Variants in NFATC3 observed in about 807,000 individuals in gnomAD.
NFATC3 encodes the protein nuclear factor of activated T-cells, cytoplasmic 3.
Under a neutral mutation model 98.6 loss-of-function variants are expected in NFATC3, and 46 were observed. The ratio of observed to expected loss-of-function variants is 0.47; its 90% CI spans 0.37 to 0.60. The LOEUF is 0.60. Among genes scored for constraint, NFATC3 ranks in the 20% least tolerant of loss-of-function variants. NFATC3 has a pLI of 0.00. For synonymous variants in NFATC3, 512 were observed against 472.2 expected (o/e 1.08, Z -1.09); for missense variants, 1,256 against 1,295.5 (o/e 0.97, Z 0.47).
intron 5 of NFATC3, 129 bp from the exon 6 acceptor site, chr16:68,174,245 A>T (rs187870852): frequency 1.3e-4 from 76 of 606,876 alleles, no homozygotes; most frequent in African/African-American, 1.1e-3. Context: ...TGAATTTTAA[A>T]AGCCTAAATG....
At position 68,085,721 on chromosome 16, in the gene NFATC3, T is replaced by G. The variant is rs1281493467; in HGVS notation, c.40T>G (p.Phe14Val). The change falls in exon 1 of 10, where the codon TTC (phenylalanine) becomes GTC (valine). Residue 14 changes from phenylalanine to valine, a missense_variant. This residue lies in a region of NFATC3 where 464 missense variants were observed against 465.7 expected (regional missense o/e 1.00). Coordinates refer to ENST00000346183, the MANE Select transcript of NFATC3 (RefSeq NM_173165.3). ...CTGTGGCGCCCACGACGAGCTCGACTTCAAACTCGTCTTTGGCGAGGACGG... is the reference window on the plus strand; with the variant it reads ...CTGTGGCGCCCACGACGAGCTCGACGTCAAACTCGTCTTTGGCGAGGACGG... ...ANCGAHDELDFKLVFGEDGAP... is the reference protein window; with the variant it reads ...ANCGAHDELDVKLVFGEDGAP... 1 of 1,514,272 alleles carries G rather than the reference T, an allele frequency of 6.6e-7. No individual in the cohort carries two copies. Among genetic ancestry groups the G allele is most frequent in the Non-Finnish European group, 8.8e-7 (1 of 1,133,378 alleles). 93.8% of individuals were successfully genotyped at this position (1,514,272 alleles called of 1,614,324 possible).
At chr16:68,109,129 TA>T (rs1240063481) in intron 1 of NFATC3, among the ~76,000 whole-genome samples, 6 of 152,146 alleles carry the variant, frequency 3.9e-5, no homozygotes, top group African/African-American at 1.4e-4. Flanking sequence ...AGTGGTGAGA[TA>T]GGGGCATCCT....
At chr16:68,088,622 C>T (rs1049374676) in intron 1 of NFATC3, 1 of 151,458 alleles carries the variant, frequency 6.6e-6, no homozygotes, top group Non-Finnish European at 1.5e-5. Flanking sequence ...CAGCCTCGAC[C>T]TCTGGGGTTC....
At chr16:68,215,918 T>C (rs146091695) in intron 9 of NFATC3, among the ~76,000 whole-genome samples, 4,180 of 151,842 alleles carry the variant, frequency 0.028, 122 homozygotes, top group Non-Finnish European at 0.036. Flanking sequence ...TTAGTAGAGA[T>C]GGGGTTTCAC....
In NFATC3 at chr16:68,122,333, T is replaced by G; in HGVS notation, c.450T>G (p.Tyr150Ter). ...AAAGGCCTTCTAGAGATCATCTCTA[T>G]CTTCCTCTTGAGCCATCCTACCGGG... ...FLERPSRDHLYLPLEPSYRES... is the reference protein window; with the variant it reads ...FLERPSRDHL The change falls in exon 2 of 10, where the codon TAT (tyrosine) becomes TAG (stop). Residue 150 changes from tyrosine to a stop codon, truncating the protein, a stop_gained. Transcript: ENST00000346183. LOFTEE classifies it high-confidence loss of function. 6.2e-7 allele frequency: 1 copy of G among 1,614,158 alleles called. No individual in the cohort carries two copies. Among genetic ancestry groups the G allele is most frequent in the Non-Finnish European group, 8.5e-7 (1 of 1,180,020 alleles).
Position 68,191,548 on chromosome 16 carries a change from C to T in NFATC3, c.2879C>T (p.Ala960Val). 6.2e-7 allele frequency: 1 copy of T among 1,614,148 alleles called. No individual in the cohort carries two copies. The highest frequency in any genetic ancestry group is 1.3e-5 in the African/African-American group (1 of 75,042). ...TACCAATCTCCTAGCTCAGGAACTG[C>T]CTCATCACCGTCTCCAGCCACCAGA... Reference protein sequence around the residue: ...MPYQSPSSGTASSPSPATRMH... With the variant: ...MPYQSPSSGTVSSPSPATRMH... The change falls in exon 9 of 10, where the codon GCC (alanine) becomes GTC (valine). Residue 960 changes from alanine to valine, a missense_variant. This residue lies in a region of NFATC3 where 636 missense variants were observed against 617.3 expected (regional missense o/e 1.03). Transcript: ENST00000346183.
Position 68,215,557 on chromosome 16 carries a change from C to T in NFATC3, c.3107-10793C>T, listed in dbSNP as rs116636874. Among the ~76,000 whole-genome samples, 4 of 151,996 alleles carry T rather than the reference C, an allele frequency of 2.6e-5. No individual in the cohort carries two copies. The East Asian group carries it at 5.8e-4, about 22-fold the overall frequency. Reference sequence around the variant, plus strand: ...GAAGTATTATGTGGAGTGAAGGGATCGATGGATGACTGAGTAAATAAGAGG... The same window carrying T: ...GAAGTATTATGTGGAGTGAAGGGATTGATGGATGACTGAGTAAATAAGAGG... On this transcript the variant is annotated intron_variant, in intron 9 of 9. Transcript: ENST00000346183.
Position 68,179,579 on chromosome 16 carries a change from T to C in NFATC3, c.1916-1896T>C, listed in dbSNP as rs375795729. ...CCAGATGAAGAAGTGATGCAAGCTG[T>C]GTGTGGCTTAGTCACTGGGTGAATG... is the stretch of plus-strand genomic sequence containing the variant. On this transcript the variant is annotated intron_variant, in intron 6 of 9. Coordinates refer to ENST00000346183, the MANE Select transcript of NFATC3 (RefSeq NM_173165.3). Among the ~76,000 whole-genome samples, 8 of 152,356 alleles carry C rather than the reference T, an allele frequency of 5.3e-5. No individual in the cohort carries two copies. The East Asian group carries it at 1.3e-3, about 26-fold the overall frequency.
Position 68,219,506 on chromosome 16 carries a change from G to A in NFATC3, c.3107-6844G>A, listed in dbSNP as rs562021889. Among the ~76,000 whole-genome samples the A allele has an allele frequency of 1.0e-3, 155 of 152,258 alleles. 3 individuals carry two copies. The highest frequency in any genetic ancestry group is 1.2e-3 in the Non-Finnish European group (79 of 68,022). ...CGCTTGAGCCTAGGAGTTCACGGCT[G>A]TAGTGAGCTATGATCACACCACTTC... On this transcript the variant is annotated intron_variant, in intron 9 of 9. Coordinates refer to ENST00000346183, the MANE Select transcript of NFATC3 (RefSeq NM_173165.3).
At chr16:68,117,903 T>C (rs531036900) in intron 1 of NFATC3, among the ~76,000 whole-genome samples, 52 of 152,206 alleles carry the variant, frequency 3.4e-4, no homozygotes, top group Non-Finnish European at 4.7e-4. Flanking sequence ...GCAGTTGAAG[T>C]TGTTCTCATA....
At chr16:68,207,034 G>T (rs2041176024) in intron 9 of NFATC3, among the ~76,000 whole-genome samples, 1 of 151,696 alleles carries the variant, frequency 6.6e-6, no homozygotes, top group African/African-American at 2.4e-5. Context: ...AGATGGACAG[G>T]GCTCGGTGGC....
intron 3 of NFATC3, among the ~76,000 whole-genome samples, chr16:68,139,369 T>G (rs1181551306): frequency 6.6e-6 from 1 of 152,220 alleles, no homozygotes; most frequent in Non-Finnish European, 1.5e-5. Context: ...TACTTAGGTT[T>G]CTTTGAACAG....
At chr16:68,203,007 A>G (rs561634812) in intron 9 of NFATC3, among the ~76,000 whole-genome samples, 4 of 152,264 alleles carry the variant, frequency 2.6e-5, no homozygotes, top group East Asian at 3.9e-4. Context: ...TGGGAAGCAT[A>G]CATGTACTAT....
intron 4 of NFATC3, 83 bp downstream of exon 4, chr16:68,158,151 A>T: frequency 1.2e-6 from 1 of 829,662 alleles, no homozygotes; most frequent in East Asian, 2.8e-5. Flanking sequence ...TTGAATATAA[A>T]TATAAAATAT....
At chr16:68,152,798 T>C (rs1217066083) in intron 3 of NFATC3, among the ~76,000 whole-genome samples, 1 of 152,254 alleles carries the variant, frequency 6.6e-6, no homozygotes, top group Admixed American at 6.5e-5. Context: ...AATTCCAAAG[T>C]AACCATCCAT....
Position 68,122,798 on chromosome 16 carries a change from G to A in NFATC3, c.915G>A (p.Val305=). The change falls in exon 2 of 10, where the codon GTG becomes GTA. Residue 305 remains valine, a synonymous_variant. Coordinates refer to ENST00000346183, the MANE Select transcript of NFATC3 (RefSeq NM_173165.3). ...PSPGHSPRGS[V]TEDTWLNASV... is the part of the protein sequence containing the mutation. ...CTGGTCACTCCCCCAGGGGAAGTGT[G>A]ACAGAAGATACGTGGCTCAATGCTT... 1.9e-6 allele frequency: 3 copies of A among 1,614,244 alleles called. No individual in the cohort carries two copies. The highest frequency in any genetic ancestry group is 2.5e-6 in the Non-Finnish European group (3 of 1,180,056).
chr16:68,085,778 C>T lies in NFATC3; in HGVS notation c.97C>T (p.Pro33Ser), dbSNP rs1267655453. 2.0e-6 allele frequency: 3 copies of T among 1,485,928 alleles called. No individual in the cohort carries two copies. The highest frequency in any genetic ancestry group is 8.9e-7 in the Non-Finnish European group (1 of 1,124,654). The allele number at this position is 1,485,928 out of a possible 1,614,324, so 92.0% of individuals were successfully genotyped here. A position where few individuals can be genotyped will look rare whatever the true frequency, so the allele number is the denominator to read the frequency against. Residue 33 changes from proline to serine, a missense_variant, in exon 1 of 10, where the codon CCT (proline) becomes TCT (serine). Pro to Ser is a moderately conservative substitution (Grantham distance 74). Transcript: ENST00000346183. The part of the protein sequence containing the change: ...APAPPPPGSR[P>S]ADLEPDDCAS... ...GGCGCCGCCGCCCCCGGGCTCGCGG[C>T]CTGCAGGTGGGTGCCGGGCCAGGCG...
intron 9 of NFATC3, chr16:68,200,727 A>G (rs553912912): frequency 6.5e-4 from 99 of 152,234 alleles, no homozygotes; most frequent in African/African-American, 2.3e-3. Context: ...CTACCTCCAT[A>G]TATCATTGCA....
intron 8 of NFATC3, among the ~76,000 whole-genome samples, chr16:68,183,878 A>G (rs1005706695): frequency 6.6e-6 from 1 of 151,798 alleles, no homozygotes; most frequent in Non-Finnish European, 1.5e-5. Context: ...GTGGTGGTGC[A>G]TTCCTGTCGT....
Sources: gnomAD v4.1 joint callset for allele counts (sites outside exome capture counted in the v4.1 genomes callset) on GRCh38, gnomAD v4.1.1 for gene constraint, gnomAD v4.1.1 regional missense constraint, MANE v1.5 for transcripts, NCBI Gene and HGNC (gene_info 2026-07-23, HGNC 2026-07-21) for gene names.